The following TSPAN2 variants were observed in gnomAD, a reference collection of about 807,000 sequenced individuals.
TSPAN2 encodes the protein tetraspanin 2.
TSPAN2 carries 24 observed loss-of-function variants against 33.3 expected under a neutral mutation model. The observed-to-expected ratio is 0.72, with a 90% confidence interval of 0.52 to 1.01. The LOEUF (loss-of-function observed/expected upper bound fraction) is 1.01, where lower values mean the gene tolerates loss of function less well. TSPAN2 is among the 50% of genes least tolerant of loss of function. The pLI is 0.00. For synonymous variants in TSPAN2, 114 were observed against 104.5 expected, an observed-to-expected ratio of 1.09 and a Z score of -0.56; for missense variants, 278 against 281.3, an observed-to-expected ratio of 0.99 and a Z score of 0.08.
Position 115,060,482 on chromosome 1 carries a change from A to C in TSPAN2, c.327T>G (p.Ala109=). 1 of 1,613,500 alleles carries C rather than the reference A, an allele frequency of 6.2e-7. No individual in the cohort carries two copies. Among genetic ancestry groups the C allele is most frequent in the Non-Finnish European group, 8.5e-7 (1 of 1,179,682 alleles). The change falls in exon 4 of 8, where the codon GCT becomes GCG. Residue 109 remains alanine (A), a synonymous_variant. Coordinates refer to ENST00000369516, the MANE Select transcript of TSPAN2 (RefSeq NM_005725.6). ...TACTTACTACCCCCTTGCCTATAAAAGCAAATACTCCAGTGGTTACTTCAG... is the reference window on the plus strand; with the variant it reads ...TACTTACTACCCCCTTGCCTATAAACGCAAATACTCCAGTGGTTACTTCAG... ...FAAEVTTGVF[A]FIGKGVAIRH...
intron 6 of TSPAN2, among the ~76,000 whole-genome samples, chr1:115,055,034 T>A (rs1557875939): frequency 6.6e-6 from 1 of 152,136 alleles, no homozygotes; most frequent in Admixed American, 6.5e-5. Context: ...TAACTTCATA[T>A]CCTGCTTTGG....
At chr1:115,073,047 AAGAGCATGCAC>A (rs1216512336) in intron 1 of TSPAN2, 40 bp from the exon 2 acceptor site, 4 of 1,554,498 alleles carry the variant, frequency 2.6e-6, no homozygotes, top group Non-Finnish European at 3.6e-6. Flanking sequence ...TGGAAGGGGA[AAGAGCATGCAC>A]AGATCCGAGA....
chr1:115,062,096 T>G (rs1482031489), intron 3 of TSPAN2, 39 bp downstream of exon 3: 2 of 1,464,398 alleles, frequency 1.4e-6, no homozygotes, highest in South Asian at 1.2e-5. Context: ...GGCCGCTCCC[T>G]CACCCCCACC....
At chr1:115,063,355 T>C (rs1251392267) in intron 2 of TSPAN2, among the ~76,000 whole-genome samples, 1 of 152,070 alleles carries the variant, frequency 6.6e-6, no homozygotes, top group African/African-American at 2.4e-5. Context: ...GAAATGCAAA[T>C]CAAAACCACA....
At chr1:115,052,146 G>A (rs534416798) in intron 7 of TSPAN2, among the ~76,000 whole-genome samples, 54 of 152,284 alleles carry the variant, frequency 3.5e-4, no homozygotes, top group Admixed American at 1.3e-3. Context: ...CTGCAGCCAG[G>A]CTATCCCCAG....
chr1:115,070,698 T>C (rs912715465), intron 2 of TSPAN2, among the ~76,000 whole-genome samples: 5 of 152,242 alleles, frequency 3.3e-5, no homozygotes, highest in East Asian at 3.9e-4. Flanking sequence ...CTCTTCTCCA[T>C]TGATTACAGC....
chr1:115,049,600 A>G lies in TSPAN2; in HGVS notation c.*890T>C, dbSNP rs1675254514. The G allele has an allele frequency of 6.6e-6, 1 of 152,576 alleles. No homozygotes were observed. The highest frequency in any genetic ancestry group is 1.5e-5 in the Non-Finnish European group (1 of 67,998). The allele number at this position is 152,576 out of a possible 1,614,324, so 9.5% of individuals were successfully genotyped here. A position where few individuals can be genotyped will look rare whatever the true frequency, so the allele number is the denominator to read the frequency against. On this transcript the variant is annotated 3_prime_UTR_variant, in exon 8 of 8. Coordinates refer to ENST00000369516, the MANE Select transcript of TSPAN2 (RefSeq NM_005725.6). ...TCTCTTGCTTTAGTCTTTTTTCCTT[A>G]TATTTGGAGAAACAGAAGAGTTTGA...
intron 3 of TSPAN2, 56 bp from the exon 4 acceptor site, chr1:115,060,594 A>G (rs1647676785): frequency 2.1e-6 from 3 of 1,418,562 alleles, no homozygotes; most frequent in Non-Finnish European, 2.9e-6. Context: ...CAATTTATAT[A>G]TTTTGCACCT....
At chr1:115,081,054 T>TA (rs1357417754) in intron 1 of TSPAN2, among the ~76,000 whole-genome samples, 1 of 152,214 alleles carries the variant, frequency 6.6e-6, no homozygotes, top group East Asian at 1.9e-4. Flanking sequence ...TGACAGTGGT[T>TA]AAAAAAATGT....
At chr1:115,076,746 A>G (rs1353023633) in intron 1 of TSPAN2, among the ~76,000 whole-genome samples, 1 of 152,240 alleles carries the variant, frequency 6.6e-6, no homozygotes, top group African/African-American at 2.4e-5. Context: ...ATGAGTCAGA[A>G]GCCAAGGTTT....
intron 2 of TSPAN2, among the ~76,000 whole-genome samples, chr1:115,070,751 T>C (rs1648137267): frequency 2.6e-5 from 4 of 152,198 alleles, no homozygotes; most frequent in Admixed American, 2.6e-4. Context: ...TCCTTACCAG[T>C]TTAGAATGAC....
intron 2 of TSPAN2, among the ~76,000 whole-genome samples, chr1:115,064,082 T>C (rs531178920): frequency 6.6e-6 from 1 of 152,096 alleles, no homozygotes; most frequent in South Asian, 2.1e-4. Flanking sequence ...ATTCACTGTG[T>C]TGCAATGTTT....
chr1:115,087,390 C>CA (rs1648880463), intron 1 of TSPAN2, among the ~76,000 whole-genome samples: 1 of 151,594 alleles, frequency 6.6e-6, no homozygotes, highest in Non-Finnish European at 1.5e-5. Flanking sequence ...CTGAGGCAGG[C>CA]AGATCATGAG....
intron 1 of TSPAN2, among the ~76,000 whole-genome samples, chr1:115,076,866 C>A (rs541432705): frequency 6.6e-6 from 1 of 152,010 alleles, no homozygotes; most frequent in Non-Finnish European, 1.5e-5. Context: ...AATCCAGAGG[C>A]AGCCCACCAG....
At chr1:115,054,249 A>G (rs1368128036) in intron 6 of TSPAN2, among the ~76,000 whole-genome samples, 1 of 152,164 alleles carries the variant, frequency 6.6e-6, no homozygotes, top group African/African-American at 2.4e-5. Context: ...TTCACTTGTC[A>G]CTGGTTGGTT....
At chr1:115,068,519 C>A (rs979514917) in intron 2 of TSPAN2, among the ~76,000 whole-genome samples, 1 of 152,144 alleles carries the variant, frequency 6.6e-6, no homozygotes, top group African/African-American at 2.4e-5. Context: ...CACTCTTTAA[C>A]AAAGGGGTGA....
In TSPAN2 at chr1:115,062,050, G is replaced by A; in HGVS notation, c.270+85C>T. ...TCAGAGAGTCCACGGAGGAGCTGGAGCCAGGGGCCAGAGGCACTGACTCCC... is the reference window on the plus strand; with the variant it reads ...TCAGAGAGTCCACGGAGGAGCTGGAACCAGGGGCCAGAGGCACTGACTCCC... On this transcript the variant is annotated intron_variant, in intron 3 of 7. Coordinates refer to ENST00000369516, the MANE Select transcript of TSPAN2 (RefSeq NM_005725.6). 3.3e-6 allele frequency: 4 copies of A among 1,200,366 alleles called. No individual in the cohort carries two copies. In the South Asian group the frequency reaches 5.6e-5, roughly 17 times the overall value. The allele number at this position is 1,200,366 out of a possible 1,614,324, so 74.4% of individuals were successfully genotyped here.
At chr1:115,085,478 G>A (rs1648797742) in intron 1 of TSPAN2, among the ~76,000 whole-genome samples, 1 of 152,124 alleles carries the variant, frequency 6.6e-6, no homozygotes, top group African/African-American at 2.4e-5. Context: ...CCACCTCTAT[G>A]CTTACTTCTG....
chr1:115,067,497 G>A (rs981276256), intron 2 of TSPAN2, among the ~76,000 whole-genome samples: 5 of 152,180 alleles, frequency 3.3e-5, no homozygotes, highest in African/African-American at 4.8e-5. Context: ...AACAATGTAA[G>A]CTACAACACC....
Sources: gnomAD v4.1 joint callset for allele counts (sites outside exome capture counted in the v4.1 genomes callset) on GRCh38, gnomAD v4.1.1 for gene constraint, MANE v1.5 for transcripts, NCBI Gene and HGNC (gene_info 2026-07-23, HGNC 2026-07-21) for gene names.